Variants in TAFA4 observed in about 807,000 individuals in gnomAD.
TAFA4 encodes the protein chemokine-like protein TAFA-4.
In TAFA4, 20 loss-of-function variants were observed where a neutral mutation model predicts 21.1. The observed-to-expected ratio is 0.95, with a 90% CI of 0.67 to 1.38. TAFA4 has a LOEUF of 1.38. Ranked by LOEUF, TAFA4 falls within the 40% of genes most tolerant of loss-of-function variation. The probability of loss-of-function intolerance (pLI) is 0.00; values close to 1 mark genes in which losing one functional copy is unlikely to be tolerated. For missense variants in TAFA4, 211 were observed against 180.9 expected (o/e 1.17, Z -0.95); for synonymous variants, 71 against 67.4 (o/e 1.05, Z -0.26).
intron 3 of TAFA4, among the ~76,000 whole-genome samples, chr3:68,835,149 C>T (rs1704494003): frequency 6.6e-6 from 1 of 152,144 alleles, no homozygotes; most frequent in South Asian, 2.1e-4. Flanking sequence ...CCCCAGTTAT[C>T]TTTAGTCTTT....
intron 1 of TAFA4, among the ~76,000 whole-genome samples, chr3:68,905,150 CTTTTTTTTTT>C (rs145187037): frequency 1.2e-5 from 1 of 85,244 alleles, no homozygotes; most frequent in East Asian, 3.4e-4. Context: ...AGATTTCTGC[CTTTTTTTTTT>C]TTTTTTTTTT....
At chr3:68,825,688 A>G (rs192708898) in intron 3 of TAFA4, among the ~76,000 whole-genome samples, 40 of 152,338 alleles carry the variant, frequency 2.6e-4, no homozygotes, top group African/African-American at 8.9e-4. Context: ...ACTCATAAGA[A>G]TGAAAATGAA....
At position 68,768,209 on chromosome 3, in the gene TAFA4, A is replaced by G. The variant is rs147688971; in HGVS notation, c.131-15191T>C. Among the ~76,000 whole-genome samples the G allele has an allele frequency of 1.2e-4, 18 of 152,326 alleles. No individual in the cohort carries two copies. In the East Asian group the frequency reaches 3.3e-3, roughly 28 times the overall value. ...GGGAGAAAATATTTGCAAACCATAC[A>G]TCTGATAAGGGGTAAGATCCAGAAT... On this transcript the variant is annotated intron_variant, in intron 3 of 5. Transcript: ENST00000295569.
At chr3:68,775,661 G>A (rs1000971089) in intron 3 of TAFA4, among the ~76,000 whole-genome samples, 1 of 152,066 alleles carries the variant, frequency 6.6e-6, no homozygotes, top group African/African-American at 2.4e-5. Flanking sequence ...ATGTACTCTG[G>A]TAATACAGGT....
intron 3 of TAFA4, among the ~76,000 whole-genome samples, chr3:68,827,666 T>C (rs1374572622): frequency 1.3e-5 from 2 of 152,260 alleles, no homozygotes; most frequent in African/African-American, 2.4e-5. Context: ...ATATGTTTGT[T>C]GGCTGCATAA....
intron 3 of TAFA4, among the ~76,000 whole-genome samples, chr3:68,831,823 T>C (rs9880420): frequency 0.45 from 68,576 of 152,048 alleles, 16,108 homozygotes; most frequent in African/African-American, 0.54. Flanking sequence ...GTACACCAAT[T>C]AAATGTAGAT....
intron 1 of TAFA4, among the ~76,000 whole-genome samples, chr3:68,922,881 G>A (rs2107026416): frequency 6.6e-6 from 1 of 152,260 alleles, no homozygotes; most frequent in Admixed American, 6.5e-5. Context: ...GAACACCAGA[G>A]CTTGGTGCTC....
intron 3 of TAFA4, among the ~76,000 whole-genome samples, chr3:68,851,742 G>T (rs1023187441): frequency 6.6e-6 from 1 of 152,166 alleles, no homozygotes; most frequent in Admixed American, 6.5e-5. Context: ...TCATTGAAAG[G>T]TTATAGTAGG....
chr3:68,850,673 G>C (rs1336976324), intron 3 of TAFA4, among the ~76,000 whole-genome samples: 3 of 151,932 alleles, frequency 2.0e-5, no homozygotes, highest in Admixed American at 6.6e-5. Context: ...ATGTTTGTTA[G>C]CTGCAAGAAT....
Position 68,754,688 on chromosome 3 carries a change from T to C in TAFA4, c.131-1670A>G, listed in dbSNP as rs968112870. Among the ~76,000 whole-genome samples the C allele has an allele frequency of 2.6e-5, 4 of 152,242 alleles. No individual in the cohort carries two copies. The East Asian group carries it at 5.8e-4, about 22-fold the overall frequency. On this transcript the variant is annotated intron_variant, in intron 3 of 5. Coordinates refer to ENST00000295569, the MANE Select transcript of TAFA4 (RefSeq NM_182522.5). ...TGAGGGAGATATATTAGTGAGACTATGAATATATCCCATTCTTTATCAAAC... is the reference window on the plus strand; with the variant it reads ...TGAGGGAGATATATTAGTGAGACTACGAATATATCCCATTCTTTATCAAAC...
At chr3:68,783,713 A>AAAGAG (rs1553641278) in intron 3 of TAFA4, among the ~76,000 whole-genome samples, 1 of 80,756 alleles carries the variant, frequency 1.2e-5, no homozygotes, top group South Asian at 4.9e-4. Context: ...GAGAGAAAGA[A>AAAGAG]AAAGAAAGAA....
intron 3 of TAFA4, among the ~76,000 whole-genome samples, chr3:68,765,380 T>C (rs1355725849): frequency 6.6e-6 from 1 of 152,210 alleles, no homozygotes; most frequent in African/African-American, 2.4e-5. Context: ...TTGTTCTATT[T>C]TAGCCCTAAG....
At chr3:68,894,703 A>G (rs989912666) in intron 1 of TAFA4, among the ~76,000 whole-genome samples, 4 of 152,212 alleles carry the variant, frequency 2.6e-5, no homozygotes, top group Admixed American at 2.0e-4. Flanking sequence ...TAGCATAATG[A>G]AAAAGAATAC....
At chr3:68,886,926 T>C (rs2089678730) in intron 1 of TAFA4, among the ~76,000 whole-genome samples, 2 of 152,192 alleles carry the variant, frequency 1.3e-5, no homozygotes, top group Non-Finnish European at 2.9e-5. Context: ...AGCCATAACA[T>C]TCCACCTCTG....
At chr3:68,878,913 C>T (rs2089584168) in intron 3 of TAFA4, among the ~76,000 whole-genome samples, 1 of 152,070 alleles carries the variant, frequency 6.6e-6, no homozygotes, top group East Asian at 1.9e-4. Context: ...ATCTCTGATA[C>T]ACACCTACCG....
chr3:68,917,364 T>C (rs2090012882), intron 1 of TAFA4, among the ~76,000 whole-genome samples: 1 of 152,176 alleles, frequency 6.6e-6, no homozygotes, highest in African/African-American at 2.4e-5. Context: ...TTTGAGTTTT[T>C]AGGGCTTTAA....
chr3:68,798,236 G>A (rs1200667233), intron 3 of TAFA4, among the ~76,000 whole-genome samples: 1 of 152,140 alleles, frequency 6.6e-6, no homozygotes, highest in African/African-American at 2.4e-5. Flanking sequence ...GTGTACAAAG[G>A]TGAATGCAGG....
chr3:68,910,587 A>G (rs1404148556), intron 1 of TAFA4, among the ~76,000 whole-genome samples: 1 of 152,266 alleles, frequency 6.6e-6, no homozygotes, highest in Non-Finnish European at 1.5e-5. Flanking sequence ...TCCACTCTAT[A>G]GAACTTTGAT....
At chr3:68,815,085 T>C (rs1703938656) in intron 3 of TAFA4, among the ~76,000 whole-genome samples, 2 of 152,230 alleles carry the variant, frequency 1.3e-5, no homozygotes, top group African/African-American at 2.4e-5. Flanking sequence ...ATTTAATAAA[T>C]GGTGCTGGGA....
Sources: gnomAD v4.1 joint callset for allele counts (sites outside exome capture counted in the v4.1 genomes callset) on GRCh38, gnomAD v4.1.1 for gene constraint, MANE v1.5 for transcripts, NCBI Gene and HGNC (gene_info 2026-07-23, HGNC 2026-07-21) for gene names.